Variants in WDPCP observed in about 807,000 individuals in gnomAD.
The protein encoded by WDPCP is WD repeat containing planar cell polarity effector.
Under a neutral mutation model 93.1 loss-of-function variants are expected in WDPCP, and 71 were observed. The ratio of observed to expected loss-of-function variants is 0.76; its 90% confidence interval spans 0.63 to 0.93. WDPCP has a LOEUF of 0.93. Ranked by LOEUF, WDPCP falls within the 40% of genes least tolerant of loss-of-function variation. The probability of loss-of-function intolerance (pLI) is 0.00; values close to 1 mark genes in which losing one functional copy is unlikely to be tolerated. For synonymous variants in WDPCP, 315 were observed against 315.0 expected (o/e 1.00, Z 0.00); for missense variants, 844 against 887.4 (o/e 0.95, Z 0.62).
At chr2:63,451,504 C>T (rs1698245962) in intron 6 of WDPCP, among the ~76,000 whole-genome samples, 1 of 152,154 alleles carries the variant, frequency 6.6e-6, no homozygotes, top group African/African-American at 2.4e-5. Context: ...CAGCTGAATT[C>T]TACCAGAGAT....
intron 3 of WDPCP, among the ~76,000 whole-genome samples, chr2:63,650,088 T>G (rs1248304245): frequency 6.6e-6 from 1 of 152,218 alleles, no homozygotes; most frequent in African/African-American, 2.4e-5. Context: ...TCTCTGGGTC[T>G]GGAATGAGAT....
chr2:63,388,206 G>A (rs566472935), intron 10 of WDPCP, among the ~76,000 whole-genome samples: 4 of 152,180 alleles, frequency 2.6e-5, no homozygotes, highest in Admixed American at 2.0e-4. Context: ...CACAGAAGAC[G>A]GGTGATTTCT....
At chr2:63,722,626 G>A (rs1485047215) in intron 2 of WDPCP, among the ~76,000 whole-genome samples, 11 of 115,452 alleles carry the variant, frequency 9.5e-5, no homozygotes, top group East Asian at 5.0e-4. Flanking sequence ...GTCAGCCCCC[G>A]CCCGGCCAGC....
chr2:63,837,754 A>G, the WDPCP span, among the ~76,000 whole-genome samples: 5 of 152,220 alleles, frequency 3.3e-5, no homozygotes, highest in Non-Finnish European at 7.3e-5. Context: ...AATAACTGAA[A>G]CTTAAAAAAC....
intron 6 of WDPCP, among the ~76,000 whole-genome samples, chr2:63,465,986 C>G (rs1267082298): frequency 6.6e-6 from 1 of 152,012 alleles, no homozygotes; most frequent in Non-Finnish European, 1.5e-5. Context: ...CACTGTAGTA[C>G]CCAGGGTGCC....
At chr2:63,836,448 A>G in the WDPCP span, among the ~76,000 whole-genome samples, 4 of 152,224 alleles carry the variant, frequency 2.6e-5, no homozygotes, top group African/African-American at 4.8e-5. Context: ...TTGAAAGTCA[A>G]TAAGTAACCT....
intron 2 of WDPCP, among the ~76,000 whole-genome samples, chr2:63,791,880 T>C (rs904603589): frequency 9.2e-5 from 14 of 152,166 alleles, no homozygotes; most frequent in Admixed American, 2.0e-4. Flanking sequence ...ATAATAACTA[T>C]GAAATTAAAT....
intron 14 of WDPCP, among the ~76,000 whole-genome samples, chr2:63,196,105 T>A (rs1053913044): frequency 6.6e-6 from 1 of 152,236 alleles, no homozygotes; most frequent in Non-Finnish European, 1.5e-5. Flanking sequence ...TTCTTGTGTA[T>A]TTTTCATTAT....
chr2:63,770,818 A>G (rs1670213647), intron 2 of WDPCP, among the ~76,000 whole-genome samples: 1 of 151,948 alleles, frequency 6.6e-6, no homozygotes, highest in South Asian at 2.1e-4. Context: ...AAAATAGGTG[A>G]AAGACTCCAA....
upstream of WDPCP, chr2:63,590,114 T>C (rs1709152248): frequency 6.6e-6 from 1 of 152,258 alleles, no homozygotes; most frequent in Non-Finnish European, 1.5e-5. Context: ...TTCCTAAATG[T>C]TTTGTCACAT....
intron 2 of WDPCP, among the ~76,000 whole-genome samples, chr2:63,706,894 G>A (rs1193652035): frequency 2.0e-5 from 3 of 152,106 alleles, no homozygotes; most frequent in Non-Finnish European, 4.4e-5. Flanking sequence ...GGGATTACAG[G>A]CATGAGCCAC....
chr2:63,823,991 T>C (rs1013377683), intron 1 of WDPCP, among the ~76,000 whole-genome samples: 3 of 152,010 alleles, frequency 2.0e-5, no homozygotes, highest in Non-Finnish European at 4.4e-5. Flanking sequence ...CTGAGCAACA[T>C]AGGGAGACCC....
chr2:63,755,639 T>C (rs1669956771), intron 2 of WDPCP, among the ~76,000 whole-genome samples: 2 of 152,258 alleles, frequency 1.3e-5, no homozygotes, highest in East Asian at 1.9e-4. Flanking sequence ...TTCTTGTCTA[T>C]AGAATCTCAT....
intron 9 of WDPCP, among the ~76,000 whole-genome samples, chr2:63,410,043 T>A (rs955900024): frequency 2.0e-5 from 3 of 152,148 alleles, no homozygotes; most frequent in Non-Finnish European, 4.4e-5. Context: ...GGGAAATTCA[T>A]CGCAAAAAGA....
chr2:63,679,902 A>G (rs1710471052), intron 2 of WDPCP, among the ~76,000 whole-genome samples: 1 of 152,198 alleles, frequency 6.6e-6, no homozygotes, highest in African/African-American at 2.4e-5. Context: ...CTTTTAAGGG[A>G]AAATGCTTGA....
intron 17 of WDPCP, among the ~76,000 whole-genome samples, chr2:63,136,157 C>T (rs1416530369): frequency 6.6e-6 from 1 of 152,152 alleles, no homozygotes; most frequent in East Asian, 1.9e-4. Flanking sequence ...GAACTTTATA[C>T]TTGAATTACT....
chr2:63,406,934 T>C lies in WDPCP; in HGVS notation c.826-2277A>G, dbSNP rs891120081. On this transcript the variant is annotated intron_variant, in intron 9 of 17. Transcript: ENST00000272321. ...GACAAAGACAAAGGGACCTTTCTGC[T>C]TCTGTGGTTTTCTCAATTTCCTTCA... Among the ~76,000 whole-genome samples, 38 of 152,164 alleles carry C rather than the reference T, an allele frequency of 2.5e-4. 2 individuals carry two copies. Among genetic ancestry groups the C allele is most frequent in the Admixed American group, 2.5e-3 (38 of 15,274 alleles).
intron 13 of WDPCP, among the ~76,000 whole-genome samples, chr2:63,279,718 C>T (rs1214093886): frequency 6.6e-6 from 1 of 152,068 alleles, no homozygotes; most frequent in Non-Finnish European, 1.5e-5. Context: ...ACCTTAAAGA[C>T]ACTCCAAAAA....
intron 17 of WDPCP, among the ~76,000 whole-genome samples, chr2:63,143,602 C>T (rs1333344922): frequency 4.6e-5 from 7 of 152,162 alleles, no homozygotes; most frequent in Admixed American, 4.6e-4. Flanking sequence ...AGATTTACAG[C>T]TCCTTCTAGC....
Sources: allele counts gnomAD v4.1 joint callset (sites outside exome capture counted in the v4.1 genomes callset), GRCh38; gene constraint gnomAD v4.1.1; transcripts MANE v1.5; gene names NCBI Gene and HGNC (gene_info 2026-07-23, HGNC 2026-07-21).